Variants in WIF1 observed in about 807,000 individuals in gnomAD.
WIF1 encodes the protein Wnt inhibitory factor 1.
In WIF1, 35 loss-of-function variants were observed where a neutral mutation model predicts 53.5. That is an observed-to-expected ratio of 0.65 (90% confidence interval 0.50 to 0.87). WIF1 has a LOEUF of 0.87. Ranked by LOEUF, WIF1 falls within the 40% of genes least tolerant of loss-of-function variation. WIF1 has a pLI of 0.00. For synonymous variants in WIF1, 171 were observed against 170.4 expected (o/e 1.00, Z -0.03); for missense variants, 467 against 476.8 (o/e 0.98, Z 0.19).
chr12:65,117,344 C>T (rs1420773511), intron 2 of WIF1, among the ~76,000 whole-genome samples: 1 of 152,180 alleles, frequency 6.6e-6, no homozygotes, highest in Non-Finnish European at 1.5e-5. Context: ...TCTCCACATA[C>T]TAAAACCACT....
intron 2 of WIF1, among the ~76,000 whole-genome samples, chr12:65,120,127 GA>G (rs1486555741): frequency 1.3e-5 from 2 of 152,338 alleles, no homozygotes; most frequent in East Asian, 3.9e-4. Context: ...AATGATCACA[GA>G]AACACAGTGA....
intron 2 of WIF1, among the ~76,000 whole-genome samples, chr12:65,109,457 C>G (rs1431013662): frequency 1.3e-5 from 2 of 152,138 alleles, no homozygotes; most frequent in Non-Finnish European, 2.9e-5. Flanking sequence ...GATTTCAGCT[C>G]CCACTTGCCC....
chr12:65,090,470 C>A (rs1044306254), intron 2 of WIF1, among the ~76,000 whole-genome samples: 3 of 152,068 alleles, frequency 2.0e-5, no homozygotes, highest in Admixed American at 2.0e-4. Context: ...GGGAGCTGAT[C>A]ATTAATCAAG....
chr12:65,090,491 A>T (rs1344764367), intron 2 of WIF1, among the ~76,000 whole-genome samples: 1 of 152,126 alleles, frequency 6.6e-6, no homozygotes, highest in East Asian at 1.9e-4. Context: ...TAAGTAAAAA[A>T]TCGAGACTGT....
intron 7 of WIF1, among the ~76,000 whole-genome samples, chr12:65,060,472 A>G (rs1882595712): frequency 1.3e-5 from 2 of 152,250 alleles, no homozygotes; most frequent in Non-Finnish European, 1.5e-5. Context: ...ATATGATTCC[A>G]TTTATGTGAA....
intron 2 of WIF1, among the ~76,000 whole-genome samples, chr12:65,106,105 G>A (rs1455886023): frequency 6.6e-6 from 1 of 152,138 alleles, no homozygotes; most frequent in Non-Finnish European, 1.5e-5. Context: ...GGCATATGTG[G>A]AACTCTTCCA....
chr12:65,099,397 C>T (rs949448720), intron 2 of WIF1, among the ~76,000 whole-genome samples: 4 of 152,190 alleles, frequency 2.6e-5, no homozygotes, highest in Non-Finnish European at 4.4e-5. Flanking sequence ...AAATAAGCCA[C>T]GTGATGCTCC....
intron 2 of WIF1, among the ~76,000 whole-genome samples, chr12:65,089,513 A>T (rs1162323677): frequency 6.6e-6 from 1 of 152,042 alleles, no homozygotes; most frequent in Non-Finnish European, 1.5e-5. Flanking sequence ...TAACACCCTT[A>T]ATGGTTTCTT....
At chr12:65,101,221 A>T (rs1447848185) in intron 2 of WIF1, among the ~76,000 whole-genome samples, 3 of 152,226 alleles carry the variant, frequency 2.0e-5, no homozygotes, top group Non-Finnish European at 4.4e-5. Flanking sequence ...TTTGCAAGTT[A>T]TAATTACTAC....
intron 2 of WIF1, among the ~76,000 whole-genome samples, chr12:65,112,571 T>C (rs1336698800): frequency 2.0e-5 from 3 of 152,076 alleles, no homozygotes; most frequent in African/African-American, 7.2e-5. Flanking sequence ...ATTTACTCAA[T>C]ACAAATTTGC....
At chr12:65,107,959 T>C (rs1365924190) in intron 2 of WIF1, among the ~76,000 whole-genome samples, 1 of 152,162 alleles carries the variant, frequency 6.6e-6, no homozygotes, top group African/African-American at 2.4e-5. Context: ...ATAAAAGCCA[T>C]GAAGTTAAGC....
intron 2 of WIF1, among the ~76,000 whole-genome samples, chr12:65,088,673 A>T (rs993983086): frequency 8.6e-5 from 13 of 152,018 alleles, no homozygotes; most frequent in Non-Finnish European, 7.4e-5. Flanking sequence ...TTTTAATGAC[A>T]AGTAACTTCT....
intron 2 of WIF1, among the ~76,000 whole-genome samples, chr12:65,093,129 T>A: frequency 6.6e-6 from 1 of 152,116 alleles, no homozygotes; most frequent in East Asian, 1.9e-4. Context: ...AGAGAACATT[T>A]TATTATGTCA....
intron 6 of WIF1, among the ~76,000 whole-genome samples, chr12:65,064,411 C>T (rs1444389081): frequency 2.0e-5 from 3 of 152,172 alleles, no homozygotes; most frequent in African/African-American, 7.2e-5. Context: ...CTGGCCAGTG[C>T]TAAACTCCTT....
chr12:65,075,341 G>A (rs1882845418), intron 3 of WIF1, among the ~76,000 whole-genome samples: 1 of 152,180 alleles, frequency 6.6e-6, no homozygotes, highest in Non-Finnish European at 1.5e-5. Flanking sequence ...TTACTTTAGA[G>A]ACTTAAATTA....
chr12:65,102,924 T>G (rs960062946), intron 2 of WIF1, among the ~76,000 whole-genome samples: 2 of 152,214 alleles, frequency 1.3e-5, no homozygotes, highest in Non-Finnish European at 2.9e-5. Flanking sequence ...TCTGAAAGAA[T>G]GGATGGCAAA....
intron 7 of WIF1, among the ~76,000 whole-genome samples, chr12:65,060,903 T>C (rs770941287): frequency 7.9e-5 from 12 of 152,106 alleles, no homozygotes; most frequent in Non-Finnish European, 7.4e-5. Context: ...TTTTTTGATG[T>C]GGTAAAACAA....
chr12:65,096,241 A>G (rs940075047), intron 2 of WIF1, among the ~76,000 whole-genome samples: 9 of 152,188 alleles, frequency 5.9e-5, no homozygotes, highest in Non-Finnish European at 8.8e-5. Context: ...AGACATTTAT[A>G]TGGCTGATAA....
At chr12:65,119,470 G>A (rs1362757966) in intron 2 of WIF1, among the ~76,000 whole-genome samples, 2 of 152,142 alleles carry the variant, frequency 1.3e-5, no homozygotes, top group Non-Finnish European at 2.9e-5. Context: ...TAATTAGAGG[G>A]AAACAAAGTG....
Sources: allele counts gnomAD v4.1 joint callset (sites outside exome capture counted in the v4.1 genomes callset), GRCh38; gene constraint gnomAD v4.1.1; transcripts MANE v1.5; gene names NCBI Gene and HGNC (gene_info 2026-07-23, HGNC 2026-07-21).